RALGAPA1: variants seen among roughly 807,000 people sequenced by gnomAD.
RALGAPA1 encodes the protein Ral GTPase activating protein catalytic subunit alpha 1.
A neutral mutation model predicts 269.6 loss-of-function variants in RALGAPA1; 52 were observed. The ratio of observed to expected loss-of-function variants is 0.19; its 90% CI spans 0.15 to 0.24. The LOEUF (loss-of-function observed/expected upper bound fraction) is 0.24. Ranked by LOEUF, RALGAPA1 falls within the 10% of genes least tolerant of loss-of-function variation. The pLI is 1.00. For missense variants in RALGAPA1, 1,917 were observed against 3,013.9 expected, an observed-to-expected ratio of 0.64 and a Z score of 8.52; for synonymous variants, 817 against 1,008.3, an observed-to-expected ratio of 0.81 and a Z score of 3.60.
chr14:35,733,201 G>C (rs1192640134), intron 12 of RALGAPA1, among the ~76,000 whole-genome samples: 4 of 152,080 alleles, frequency 2.6e-5, no homozygotes, highest in Non-Finnish European at 5.9e-5. Context: ...CTTCTGGCTG[G>C]GCACGGTGGC....
chr14:35,635,892 C>G (rs1377749683), intron 31 of RALGAPA1, among the ~76,000 whole-genome samples: 1 of 152,106 alleles, frequency 6.6e-6, no homozygotes, highest in Non-Finnish European at 1.5e-5. Context: ...TATCAATTAA[C>G]TATACTTATT....
chr14:35,769,965 A>G (rs1253473253), intron 4 of RALGAPA1, among the ~76,000 whole-genome samples: 2 of 152,196 alleles, frequency 1.3e-5, no homozygotes, highest in Non-Finnish European at 2.9e-5. Flanking sequence ...CTATCTTAAT[A>G]GTAAAGCCAA....
chr14:35,696,249 C>CA (rs1330932028), intron 17 of RALGAPA1, among the ~76,000 whole-genome samples: 1 of 151,676 alleles, frequency 6.6e-6, no homozygotes, highest in Non-Finnish European at 1.5e-5. Context: ...CCTGTCTCTA[C>CA]AAAAAAATAA....
chr14:35,761,082 T>C, intron 5 of RALGAPA1, 76 bp from the exon 6 acceptor site: 1 of 1,111,864 alleles, frequency 9.0e-7, no homozygotes. Flanking sequence ...CAAAGTTCTC[T>C]AGATGATGAC....
At chr14:35,610,983 T>C (rs1268862162) in intron 35 of RALGAPA1, among the ~76,000 whole-genome samples, 3 of 152,348 alleles carry the variant, frequency 2.0e-5, no homozygotes, top group African/African-American at 7.2e-5. Flanking sequence ...ATTAAAGATC[T>C]ACATTAAAAA....
chr14:35,672,380 T>C (rs2064538384), intron 25 of RALGAPA1, among the ~76,000 whole-genome samples: 1 of 152,164 alleles, frequency 6.6e-6, no homozygotes, highest in African/African-American at 2.4e-5. Flanking sequence ...TTAATGATTA[T>C]ACCTCATATA....
chr14:35,661,787 G>A (rs1164446522), intron 27 of RALGAPA1, among the ~76,000 whole-genome samples: 1 of 152,164 alleles, frequency 6.6e-6, no homozygotes, highest in Non-Finnish European at 1.5e-5. Context: ...AGCTTTCTAT[G>A]TAATATAGTC....
chr14:35,781,365 A>G (rs969267856), intron 1 of RALGAPA1, among the ~76,000 whole-genome samples: 1 of 151,766 alleles, frequency 6.6e-6, no homozygotes, highest in Non-Finnish European at 1.5e-5. Context: ...TTAGTGGGGG[A>G]AAAAAAACTA....
chr14:35,573,704 C>T lies in RALGAPA1; in HGVS notation c.7210-986G>A, dbSNP rs150067904. Among the ~76,000 whole-genome samples, 249 of 152,210 alleles carry T rather than the reference C, an allele frequency of 1.6e-3. 1 individual carries two copies. The highest frequency in any genetic ancestry group is 0.01 in the Middle Eastern group (3 of 294). ...TAGTGAAAGCCTCTCTTCTGTCACT[C>T]CTTAATCCTGGAGTAACTCCTTATA... On this transcript the variant is annotated intron_variant, in intron 37 of 41. Coordinates refer to ENST00000680220, the MANE Select transcript of RALGAPA1 (RefSeq NM_001346249.2).
rs894701662 is a variant in RALGAPA1, at chr14:35,689,889, C to T, written c.2522G>A (p.Arg841Gln). ...CAAGATGTCAGAAGTGCTGCTACTT[C>T]GAGGCAATGGCTGCTCCTCATTCAA... ...GALNEEQPLPRSSSTSDILEP... is the reference protein window; with the variant it reads ...GALNEEQPLPQSSSTSDILEP... The change falls in exon 18 of 42, where the codon CGA (arginine) becomes CAA (glutamine). Residue 841 changes from arginine to glutamine, a missense_variant. Coordinates refer to ENST00000680220, the MANE Select transcript of RALGAPA1 (RefSeq NM_001346249.2). 5.6e-6 allele frequency: 9 copies of T among 1,604,366 alleles called. No homozygotes were observed. Among genetic ancestry groups the T allele is most frequent in the Non-Finnish European group, 6.8e-6 (8 of 1,176,610 alleles).
At position 35,549,178 on chromosome 14, in the gene RALGAPA1, G is replaced by A. The variant is rs548229564; in HGVS notation, c.7553C>T (p.Thr2518Ile). ...QTIVQHHLEP[T>I]TFEDFAAQVF... ...CTGTGCTGCAAAATCTTCAAATGTT[G>A]TTGGTTCTAAGTGGTGCTGGACAAT... The change falls in exon 40 of 42, where the codon ACA (threonine) becomes ATA (isoleucine). Residue 2518 changes from threonine (T) to isoleucine (I), a missense_variant. Thr to Ile is a moderately conservative substitution (Grantham distance 89). This residue lies in a region of RALGAPA1 where 91 missense variants were observed against 130.9 expected (regional missense o/e 0.70). Coordinates refer to ENST00000680220, the MANE Select transcript of RALGAPA1 (RefSeq NM_001346249.2). The A allele has an allele frequency of 3.1e-6, 5 of 1,612,672 alleles. No homozygotes were observed. Among genetic ancestry groups the A allele is most frequent in the South Asian group, 1.1e-5 (1 of 91,038 alleles).
At chr14:35,645,602 G>A (rs1721631532) in intron 31 of RALGAPA1, among the ~76,000 whole-genome samples, 1 of 151,786 alleles carries the variant, frequency 6.6e-6, no homozygotes, top group African/African-American at 2.4e-5. Context: ...GTGGTGGCGG[G>A]CGCCTGTAGT....
chr14:35,807,111 A>C (rs756170264), intron 1 of RALGAPA1, among the ~76,000 whole-genome samples: 13 of 152,212 alleles, frequency 8.5e-5, no homozygotes, highest in Non-Finnish European at 1.9e-4. Context: ...TATGGCCTTT[A>C]ATTTAGGAAA....
At chr14:35,655,383 C>T (rs535896539) in intron 29 of RALGAPA1, among the ~76,000 whole-genome samples, 2 of 151,962 alleles carry the variant, frequency 1.3e-5, no homozygotes, top group South Asian at 4.2e-4. Flanking sequence ...AAAATCTTGT[C>T]TGTCTACAAA....
chr14:35,592,063 TA>T (rs2058674210), intron 37 of RALGAPA1, among the ~76,000 whole-genome samples: 1 of 152,206 alleles, frequency 6.6e-6, no homozygotes, highest in South Asian at 2.1e-4. Flanking sequence ...CTTTTGTTTA[TA>T]AATCACCCAG....
chr14:35,601,072 A>C (rs1051064835), intron 36 of RALGAPA1, among the ~76,000 whole-genome samples: 1 of 152,188 alleles, frequency 6.6e-6, no homozygotes, highest in Non-Finnish European at 1.5e-5. Context: ...GAAACAGGGA[A>C]GATCCTCATT....
chr14:35,673,193 T>C (rs2140262053), intron 24 of RALGAPA1, among the ~76,000 whole-genome samples, 171 bp from the exon 25 acceptor site: 1 of 152,322 alleles, frequency 6.6e-6, no homozygotes, highest in Non-Finnish European at 1.5e-5. Flanking sequence ...TCCAAAATGA[T>C]ACAATGTAGG....
At chr14:35,634,496 A>G (rs2061548745) in intron 33 of RALGAPA1, 78 bp downstream of exon 33, 3 of 1,186,000 alleles carry the variant, frequency 2.5e-6, no homozygotes, top group Non-Finnish European at 1.2e-6. Flanking sequence ...TCCTTCTCCA[A>G]TATTTCCACC....
At chr14:35,753,376 T>A (rs1021180739) in intron 7 of RALGAPA1, among the ~76,000 whole-genome samples, 1 of 152,138 alleles carries the variant, frequency 6.6e-6, no homozygotes, top group Non-Finnish European at 1.5e-5. Context: ...TGTAGCCAAC[T>A]CTTGAATGTA....
Sources: gnomAD v4.1 joint callset for allele counts (sites outside exome capture counted in the v4.1 genomes callset) on GRCh38, gnomAD v4.1.1 for gene constraint, gnomAD v4.1.1 regional missense constraint, MANE v1.5 for transcripts, NCBI Gene and HGNC (gene_info 2026-07-23, HGNC 2026-07-21) for gene names.